Variants in FLT1 observed in about 807,000 individuals in gnomAD.
FLT1 encodes vascular endothelial growth factor receptor 1.
Under a neutral mutation model 156.3 loss-of-function variants are expected in FLT1, and 49 were observed. The observed-to-expected ratio is 0.31, with a 90% CI of 0.25 to 0.40. The LOEUF (loss-of-function observed/expected upper bound fraction) is 0.40. Ranked by LOEUF, FLT1 falls within the 10% of genes least tolerant of loss-of-function variation. The probability of loss-of-function intolerance (pLI) is 1.00; values close to 1 mark genes in which losing one functional copy is unlikely to be tolerated. For missense variants in FLT1, 1,322 were observed against 1,637.2 expected, an observed-to-expected ratio of 0.81 and a Z score of 3.32; for synonymous variants, 594 against 583.8, an observed-to-expected ratio of 1.02 and a Z score of -0.25.
intron 13 of FLT1, chr13:28,389,512 A>C (rs1874567228): frequency 7.1e-7 from 1 of 1,418,066 alleles, no homozygotes; most frequent in Admixed American, 3.0e-5. Context: ...AACGTGCACC[A>C]AGTCGGCCCC....
intron 3 of FLT1, among the ~76,000 whole-genome samples, chr13:28,446,311 A>T (rs1293253043): frequency 6.6e-6 from 1 of 152,204 alleles, no homozygotes; most frequent in East Asian, 1.9e-4. Flanking sequence ...AGACAGAGCA[A>T]TTGGGCAAGA....
chr13:28,445,339 G>A (rs959467959), intron 3 of FLT1, among the ~76,000 whole-genome samples: 1 of 152,126 alleles, frequency 6.6e-6, no homozygotes, highest in African/African-American at 2.4e-5. Flanking sequence ...AGCCAGGCAT[G>A]ATGGTGGACT....
chr13:28,301,162 A>G lies in FLT1; in HGVS notation c.*2005T>C. On this transcript the variant is annotated 3_prime_UTR_variant, in exon 30 of 30. Coordinates refer to ENST00000282397, the MANE Select transcript of FLT1 (RefSeq NM_002019.4). ...TGTTATCACTATTTGCTGGGCTATTATCTGATTTGGAAAAAAAAAAAAAAG... is the reference window on the plus strand; with the variant it reads ...TGTTATCACTATTTGCTGGGCTATTGTCTGATTTGGAAAAAAAAAAAAAAG... The G allele has an allele frequency of 4.4e-6, 1 of 226,220 alleles. No individual in the cohort carries two copies. The highest frequency in any genetic ancestry group is 6.3e-5 in the East Asian group (1 of 15,790). The allele number at this position is 226,220 out of a possible 1,614,324, so 14.0% of individuals were successfully genotyped here.
At chr13:28,311,542 T>C (rs772689305) in intron 27 of FLT1, 48 bp downstream of exon 27, 2 of 1,513,272 alleles carry the variant, frequency 1.3e-6, no homozygotes, top group Non-Finnish European at 1.8e-6. Flanking sequence ...TTCCTTCTTT[T>C]TTTTGTTGGA....
chr13:28,410,208 C>T (rs993136915), intron 10 of FLT1, among the ~76,000 whole-genome samples: 1 of 152,292 alleles, frequency 6.6e-6, no homozygotes. Context: ...CTCTCCCCTC[C>T]CCCTACTTAA....
intron 10 of FLT1, among the ~76,000 whole-genome samples, chr13:28,409,889 A>G (rs1183556802): frequency 1.3e-5 from 2 of 152,026 alleles, no homozygotes; most frequent in Non-Finnish European, 2.9e-5. Context: ...CTTTTGCATA[A>G]CATGGTCAGT....
At chr13:28,323,875 T>C (rs540360465) in intron 20 of FLT1, among the ~76,000 whole-genome samples, 1 of 152,264 alleles carries the variant, frequency 6.6e-6, no homozygotes, top group South Asian at 2.1e-4. Flanking sequence ...GGAGGGAACA[T>C]GGACATTGCT....
chr13:28,301,545 C>G lies in FLT1; in HGVS notation c.*1622G>C. On this transcript the variant is annotated 3_prime_UTR_variant, in exon 30 of 30. Transcript: ENST00000282397. ...TCTTCGGTTACTTAGAGCTCAGGTT[C>G]TACAGTTAAATTACATGGATAAAAG... 8.6e-6 allele frequency: 2 copies of G among 233,246 alleles called. No homozygotes were observed. The highest frequency in any genetic ancestry group is 1.7e-5 in the Non-Finnish European group (2 of 117,982). The allele number at this position is 233,246 out of a possible 1,614,324, so 14.4% of individuals were successfully genotyped here.
At chr13:28,386,250 A>G in intron 13 of FLT1, 1 of 1,051,918 alleles carries the variant, frequency 9.5e-7, no homozygotes, top group Non-Finnish European at 1.1e-6. Context: ...TTCCCTTTTG[A>G]GTCCTGCAGG....
In FLT1 at chr13:28,303,044, AAGC is replaced by A; in HGVS notation, c.*120_*122del. The A allele has an allele frequency of 1.2e-6, 1 of 837,592 alleles. No homozygotes were observed. Among genetic ancestry groups the A allele is most frequent in the Non-Finnish European group, 1.8e-6 (1 of 540,932 alleles). 51.9% of individuals were successfully genotyped at this position (837,592 alleles called of 1,614,324 possible). ...AAAGCACTATTAAAAAAATCACAAAAAGCAGCTGGCTCCCATGGAAAGATAAAG... is the reference window on the plus strand; with the variant it reads ...AAAGCACTATTAAAAAAATCACAAAAAGCTGGCTCCCATGGAAAGATAAAG... On this transcript the variant is annotated 3_prime_UTR_variant, in exon 30 of 30. Transcript: ENST00000282397.
chr13:28,475,647 C>T (rs670084), intron 1 of FLT1, among the ~76,000 whole-genome samples: 40 of 151,982 alleles, frequency 2.6e-4, no homozygotes, highest in African/African-American at 9.4e-4. Context: ...AATTTCCGGA[C>T]GCTACCAACA....
intron 12 of FLT1, among the ~76,000 whole-genome samples, chr13:28,391,126 T>G (rs1874687579): frequency 6.6e-6 from 1 of 152,158 alleles, no homozygotes. Context: ...AGTTGCCAGA[T>G]TCTAAAATGG....
chr13:28,313,480 T>A (rs753920838), intron 25 of FLT1, among the ~76,000 whole-genome samples: 14 of 152,142 alleles, frequency 9.2e-5, no homozygotes, highest in Non-Finnish European at 1.8e-4. Flanking sequence ...CAGAAGATGG[T>A]CTGGATGAGA....
intron 14 of FLT1, among the ~76,000 whole-genome samples, chr13:28,364,752 ATGTATTTG>A (rs1024228591): frequency 6.6e-5 from 10 of 152,208 alleles, no homozygotes; most frequent in African/African-American, 2.4e-4. Context: ...TGAAGCTCCC[ATGTATTTG>A]TGTATTTGTG....
chr13:28,396,732 G>T, intron 12 of FLT1: 1 of 647,734 alleles, frequency 1.5e-6, no homozygotes, highest in Non-Finnish European at 2.8e-6. Flanking sequence ...CAGTCTGGGA[G>T]GGAGACAAAC....
At chr13:28,416,095 C>T (rs1047716209) in intron 10 of FLT1, among the ~76,000 whole-genome samples, 11 of 152,236 alleles carry the variant, frequency 7.2e-5, no homozygotes, top group Non-Finnish European at 1.5e-4. Flanking sequence ...GAGTACTTCA[C>T]ACCTATTATG....
At chr13:28,331,436 A>G (rs1871925761) in intron 18 of FLT1, among the ~76,000 whole-genome samples, 1 of 152,100 alleles carries the variant, frequency 6.6e-6, no homozygotes, top group South Asian at 2.1e-4. Flanking sequence ...GTTTCACTTT[A>G]TGCTTTTGTT....
chr13:28,318,084 G>A (rs141201768), intron 24 of FLT1, among the ~76,000 whole-genome samples: 20 of 152,124 alleles, frequency 1.3e-4, no homozygotes, highest in Admixed American at 6.5e-4. Context: ...TCAGCCTCCC[G>A]AGCAGCTGGG....
intron 14 of FLT1, among the ~76,000 whole-genome samples, chr13:28,369,327 C>A (rs1203162803): frequency 2.0e-5 from 3 of 152,128 alleles, no homozygotes; most frequent in Non-Finnish European, 1.5e-5. Context: ...GAATTCAAGA[C>A]CAGCCTGGCC....
Sources: allele counts gnomAD v4.1 joint callset (sites outside exome capture counted in the v4.1 genomes callset), GRCh38; gene constraint gnomAD v4.1.1; transcripts MANE v1.5; gene names NCBI Gene and HGNC (gene_info 2026-07-23, HGNC 2026-07-21).